The following FXYD3 variants were observed in gnomAD, a reference collection of about 807,000 sequenced individuals.
FXYD3 encodes the protein FXYD domain containing ion transport regulator 3.
In FXYD3, 13 loss-of-function variants were observed where a neutral mutation model predicts 19.2. That is an observed-to-expected ratio of 0.68 (90% CI 0.44 to 1.08). The LOEUF is 1.08. FXYD3 is among the 50% of genes least tolerant of loss of function. The probability of loss-of-function intolerance (pLI) is 0.00; values close to 1 mark genes in which losing one functional copy is unlikely to be tolerated. For synonymous variants in FXYD3, 48 were observed against 38.9 expected, an observed-to-expected ratio of 1.23 and a Z score of -0.87; for missense variants, 101 against 109.4, an observed-to-expected ratio of 0.92 and a Z score of 0.34.
chr19:35,122,903 A>G lies in FXYD3; in HGVS notation c.173-15A>G, dbSNP rs200428934. 6.6e-5 allele frequency: 106 copies of G among 1,613,314 alleles called. 1 individual carries two copies. The Admixed American group carries it at 1.1e-3, about 16-fold the overall frequency. The stretch of plus-strand genomic sequence containing the variant: ...TGGGGCTCCCCTCCCCTGACCACTC[A>G]GCTCTCCCCAACAGGTGCAAAATGC... On this transcript the variant is annotated splice_polypyrimidine_tract_variant and intron_variant, in intron 6 of 8. Transcript: ENST00000604404.
Position 35,121,564 on chromosome 19 carries a change from A to G in FXYD3, c.97+319A>G, listed in dbSNP as rs2065044495. 1.0e-5 allele frequency: 14 copies of G among 1,398,586 alleles called. No homozygotes were observed. In the South Asian group the frequency reaches 2.3e-4, roughly 23 times the overall value. 86.6% of individuals were successfully genotyped at this position (1,398,586 alleles called of 1,614,324 possible). The stretch of plus-strand genomic sequence containing the variant: ...CTTCCTGGAGGTGGTGAGCTATTGG[A>G]TCAAAACCCTCATCTGGCCTCCAGG... On this transcript the variant is annotated intron_variant, in intron 5 of 8. Transcript: ENST00000604404.
At chr19:35,121,360 G>A (rs1480812127) in intron 5 of FXYD3, 115 bp downstream of exon 5, 1 of 1,612,288 alleles carries the variant, frequency 6.2e-7, no homozygotes. Context: ...GATACGAAGG[G>A]ACTAGGATGG....
chr19:35,122,514 C>A (rs1183580981), intron 5 of FXYD3, among the ~76,000 whole-genome samples: 1 of 152,228 alleles, frequency 6.6e-6, no homozygotes, highest in Non-Finnish European at 1.5e-5. Flanking sequence ...CCAGCCCGCC[C>A]TCTGACTTTC....
At chr19:35,121,052 C>T in intron 3 of FXYD3, 26 bp from the exon 4 acceptor site, 1 of 1,611,180 alleles carries the variant, frequency 6.2e-7, no homozygotes, top group Non-Finnish European at 8.5e-7. Context: ...TCACCATCTC[C>T]CCTCCTTCCC....
intron 3 of FXYD3, among the ~76,000 whole-genome samples, chr19:35,120,135 T>C (rs1282702473): frequency 2.3e-5 from 3 of 129,810 alleles, no homozygotes; most frequent in Non-Finnish European, 5.2e-5. Context: ...TTTTCCCTTT[T>C]TTCTTTTCTT....
intron 3 of FXYD3, chr19:35,119,662 TG>T (rs2064993260): frequency 1.4e-5 from 6 of 421,460 alleles, no homozygotes; most frequent in Non-Finnish European, 1.6e-5. Context: ...TGGCTTTTTT[TG>T]TTTTTGTTTT....
At position 35,116,327 on chromosome 19, in the gene FXYD3, C is replaced by T. The variant is rs55719222; in HGVS notation, c.-47C>T. 90 of 985,516 alleles carry T rather than the reference C, an allele frequency of 9.1e-5. No individual in the cohort carries two copies. In the African/African-American group the frequency reaches 1.2e-3, roughly 13 times the overall value. The allele number at this position is 985,516 out of a possible 1,614,324, so 61.0% of individuals were successfully genotyped here. ...CTCCGCCTGGCAGCCCGATTTCTCC[C>T]GGAACCTCTGCTCAGCCTGGTGAAC... On this transcript the variant is annotated 5_prime_UTR_variant, in exon 2 of 9. Coordinates refer to ENST00000604404, the MANE Select transcript of FXYD3 (RefSeq NM_005971.4).
chr19:35,123,350 G>GTA, intron 8 of FXYD3, 42 bp downstream of exon 8: 2 of 1,217,558 alleles, frequency 1.6e-6, no homozygotes, highest in East Asian at 3.1e-5. Flanking sequence ...CACGGAAGTG[G>GTA]TGTGTGTGTG....
chr19:35,121,037 C>T (rs986643198), intron 3 of FXYD3, 41 bp from the exon 4 acceptor site: 9 of 1,610,790 alleles, frequency 5.6e-6, no homozygotes, highest in African/African-American at 4.0e-5. Context: ...TGGCTGAGGC[C>T]GGCATCACCA....
At chr19:35,116,459 T>C (rs1036718019) in intron 2 of FXYD3, 100 bp downstream of exon 2, 1 of 985,394 alleles carries the variant, frequency 1.0e-6, no homozygotes, top group African/African-American at 1.7e-5. Flanking sequence ...GAAGCTTTTA[T>C]GTTAAAGCGC....
intron 2 of FXYD3, chr19:35,117,205 C>G (rs2064910377): frequency 7.0e-7 from 1 of 1,424,506 alleles, no homozygotes; most frequent in African/African-American, 1.5e-5. Flanking sequence ...GCAGACCCAG[C>G]TCCCGGCTCC....
chr19:35,119,697 G>T, intron 3 of FXYD3: 2 of 508,624 alleles, frequency 3.9e-6, no homozygotes, highest in Non-Finnish European at 7.1e-6. Flanking sequence ...GTTTTTGAAA[G>T]GGAGTCTCTG....
rs1600458986 is a variant in FXYD3, at chr19:35,122,858, G to A, written c.172+19G>A. 6.2e-7 allele frequency: 1 copy of A among 1,613,942 alleles called. No homozygotes were observed. The highest frequency in any genetic ancestry group is 8.5e-7 in the Non-Finnish European group (1 of 1,179,920). On this transcript the variant is annotated intron_variant, in intron 6 of 8. Coordinates refer to ENST00000604404, the MANE Select transcript of FXYD3 (RefSeq NM_005971.4). Reference sequence around the variant, plus strand: ...GTCATGAGTGAGTGGAGGAGCTCGGGGGAGCAGGCGGGCCGGGGCTGGGGC... The same window carrying A: ...GTCATGAGTGAGTGGAGGAGCTCGGAGGAGCAGGCGGGCCGGGGCTGGGGC...
Position 35,123,504 on chromosome 19 carries a change from C to T in FXYD3, c.*47C>T. 1 of 1,604,644 alleles carries T rather than the reference C, an allele frequency of 6.2e-7. No individual in the cohort carries two copies. Among genetic ancestry groups the T allele is most frequent in the Non-Finnish European group, 8.5e-7 (1 of 1,171,498 alleles). ...TGGGTGGAGGACCGTTCTCTGTCCC[C>T]AGGTCCTGTCTCTGCACAGAAACTT... On this transcript the variant is annotated 3_prime_UTR_variant, in exon 9 of 9. Transcript: ENST00000604404.
intron 2 of FXYD3, chr19:35,118,737 C>T (rs895933089): frequency 7.6e-6 from 2 of 262,128 alleles, no homozygotes; most frequent in Admixed American, 5.2e-5. Flanking sequence ...GAGGTAGAGT[C>T]CCCCTCTACC....
At chr19:35,120,136 T>C (rs565501215) in intron 3 of FXYD3, among the ~76,000 whole-genome samples, 1 of 130,150 alleles carries the variant, frequency 7.7e-6, no homozygotes, top group South Asian at 3.0e-4. Context: ...TTTCCCTTTT[T>C]TCTTTTCTTT....
intron 5 of FXYD3, chr19:35,121,657 C>G: frequency 1.6e-6 from 1 of 608,762 alleles, no homozygotes; most frequent in Non-Finnish European, 2.3e-6. Flanking sequence ...CCTTCTGCTC[C>G]AAGCCTCTCA....
rs2065073803 is a variant in FXYD3 at position 35,122,826 on chromosome 19, C to T, written c.159C>T (p.Ile53=). ...CTGGGGTTCTGTGCGCCATGGGCATCATCATCGTCATGAGTGAGTGGAGGA... is the reference window on the plus strand; with the variant it reads ...CTGGGGTTCTGTGCGCCATGGGCATTATCATCGTCATGAGTGAGTGGAGGA... The part of the protein sequence containing the change: ...ICAGVLCAMG[I]IIVMSAKCKC... The change falls in exon 6 of 9, where the codon ATC becomes ATT. Residue 53 remains isoleucine, a synonymous_variant. Coordinates refer to ENST00000604404, the MANE Select transcript of FXYD3 (RefSeq NM_005971.4). 3.1e-6 allele frequency: 5 copies of T among 1,613,944 alleles called. No individual in the cohort carries two copies. Among genetic ancestry groups the T allele is most frequent in the African/African-American group, 2.7e-5 (2 of 74,938 alleles).
intron 5 of FXYD3, chr19:35,121,580 G>A: frequency 7.3e-7 from 1 of 1,376,426 alleles, no homozygotes; most frequent in Non-Finnish European, 9.4e-7. Flanking sequence ...ACCCTCATCT[G>A]GCCTCCAGGT....
Sources: allele counts gnomAD v4.1 joint callset (sites outside exome capture counted in the v4.1 genomes callset), GRCh38; gene constraint gnomAD v4.1.1; transcripts MANE v1.5; gene names NCBI Gene and HGNC (gene_info 2026-07-23, HGNC 2026-07-21).